The following PILRB variants were observed in gnomAD, a reference collection of about 807,000 sequenced individuals.
The protein encoded by PILRB is paired immunoglobin like type 2 receptor beta.
In PILRB, 21 loss-of-function variants were observed where a neutral mutation model predicts 20.5. The observed-to-expected ratio is 1.02, with a 90% CI of 0.72 to 1.47. The LOEUF (loss-of-function observed/expected upper bound fraction) is 1.47. Among genes scored for constraint, PILRB ranks in the 40% most tolerant of loss-of-function variants. PILRB has a pLI of 0.00. For synonymous variants in PILRB, 133 were observed against 115.1 expected (o/e 1.16, Z -0.99); for missense variants, 253 against 272.1 (o/e 0.93, Z 0.49).
At position 100,359,351 on chromosome 7, in the gene PILRB, A is replaced by AC; in HGVS notation, c.471dup (p.Thr158HisfsTer63). 6.2e-7 allele frequency: 1 copy of AC among 1,614,034 alleles called. No homozygotes were observed. Among genetic ancestry groups the AC allele is most frequent in the Non-Finnish European group, 8.5e-7 (1 of 1,179,988 alleles). Reference sequence around the variant, plus strand: ...ATCTCTTCCAGCTGTCACAACCACCACCACCTGGAGGCCCAGCAGCACAAC... The same window carrying AC: ...ATCTCTTCCAGCTGTCACAACCACCACCCACCTGGAGGCCCAGCAGCACAAC... On this transcript the variant is annotated frameshift_variant, in exon 3 of 4. Coordinates refer to ENST00000609309, the MANE Select transcript of PILRB (RefSeq NM_178238.4). LOFTEE classifies it high-confidence loss of function.
chr7:100,359,294 C>T lies in PILRB; in HGVS notation c.455-43C>T, dbSNP rs761045248. ...CACCATGCCTTTCATCCAGACGCCC[C>T]ACACCCCCAGAAGAGGGTCTGCTCA... On this transcript the variant is annotated intron_variant, in intron 2 of 3. Transcript: ENST00000609309. 1.2e-5 allele frequency: 19 copies of T among 1,602,590 alleles called. No individual in the cohort carries two copies. The African/African-American group carries it at 2.0e-4, about 17-fold the overall frequency.
chr7:100,366,734 G>T (rs1790700140), intron 3 of PILRB, among the ~76,000 whole-genome samples: 2 of 151,978 alleles, frequency 1.3e-5, no homozygotes, highest in South Asian at 2.1e-4. Context: ...GAGAGGTGGG[G>T]GTGCCTATGT....
chr7:100,358,838 G>A lies in PILRB; in HGVS notation c.213G>A (p.Trp71Ter), dbSNP rs758982042. Residue 71 changes from tryptophan (W) to a stop codon, truncating the protein, a stop_gained, in exon 2 of 4, where the codon TGG becomes TGA. Transcript: ENST00000609309. LOFTEE classifies it high-confidence loss of function. The stretch of plus-strand genomic sequence containing the variant: ...TAGTTCCCAACGTGAGAATATCCTG[G>A]AGACGGGGCCACTTCCACGGGCAGT... ...LAIVPNVRIS[W>*]RRGHFHGQSF... 9 of 1,614,074 alleles carry A rather than the reference G, an allele frequency of 5.6e-6. No individual in the cohort carries two copies. In the East Asian group the frequency reaches 1.8e-4, roughly 32 times the overall value.
chr7:100,358,548 G>A (rs1341468717), intron 1 of PILRB, 142 bp from the exon 2 acceptor site: 3 of 1,246,928 alleles, frequency 2.4e-6, no homozygotes, highest in Non-Finnish European at 2.2e-6. Flanking sequence ...CCTGAAGAGT[G>A]GGAGACCCAG....
chr7:100,359,348 A>G lies in PILRB; in HGVS notation c.466A>G (p.Thr156Ala), dbSNP rs1790460243. The G allele has an allele frequency of 1.1e-5, 18 of 1,613,906 alleles. No homozygotes were observed. The highest frequency in any genetic ancestry group is 1.5e-5 in the Non-Finnish European group (18 of 1,179,970). ...KLTITQAVTT[T>A]TTWRPSSTTT... ...CTCATCTCTTCCAGCTGTCACAACC[A>G]CCACCACCTGGAGGCCCAGCAGCAC... Residue 156 changes from threonine (T) to alanine (A), a missense_variant, in exon 3 of 4, where the codon ACC becomes GCC. Transcript: ENST00000609309.
intron 3 of PILRB, among the ~76,000 whole-genome samples, chr7:100,360,020 TCAAACAAACAAA>T (rs72418187): frequency 1.3e-5 from 2 of 151,838 alleles, no homozygotes; most frequent in Admixed American, 6.6e-5. Context: ...AGACTCTGTC[TCAAACAAACAAA>T]CAAACAAACA....
chr7:100,362,397 T>C (rs888395487), intron 3 of PILRB, among the ~76,000 whole-genome samples: 1 of 152,092 alleles, frequency 6.6e-6, no homozygotes. Context: ...GGAATGCATG[T>C]ATCACCCAAA....
At chr7:100,360,047 A>G (rs1422694918) in intron 3 of PILRB, among the ~76,000 whole-genome samples, 2 of 151,660 alleles carry the variant, frequency 1.3e-5, no homozygotes, top group Admixed American at 6.6e-5. Context: ...CAAACAAAAA[A>G]AGCCCCCAGC....
At chr7:100,365,254 C>T (rs558645739) in intron 3 of PILRB, among the ~76,000 whole-genome samples, 1 of 152,298 alleles carries the variant, frequency 6.6e-6, no homozygotes, top group South Asian at 2.1e-4. Context: ...CCCACCTCGG[C>T]CTTCCAAAGT....
At chr7:100,365,122 C>A (rs754557937) in intron 3 of PILRB, among the ~76,000 whole-genome samples, 3 of 152,274 alleles carry the variant, frequency 2.0e-5, no homozygotes, top group Middle Eastern at 3.4e-3. Flanking sequence ...GGCTCAGCCT[C>A]CCGAGTAGCT....
rs371268553 is a variant in PILRB, at chr7:100,359,470, C to A, written c.588C>A (p.Val196=). 2 of 1,614,106 alleles carry A rather than the reference C, an allele frequency of 1.2e-6. No homozygotes were observed. The highest frequency in any genetic ancestry group is 8.5e-7 in the Non-Finnish European group (1 of 1,180,002). Residue 196 remains valine (V), a synonymous_variant, in exon 3 of 4, where the codon GTC becomes GTA. Coordinates refer to ENST00000609309, the MANE Select transcript of PILRB (RefSeq NM_178238.4). Reference sequence around the variant, plus strand: ...CTGCCATCAGGGTTGCATTGGCTGTCGCTGTGCTCAAAACTGTCATTTTGG... The same window carrying A: ...CTGCCATCAGGGTTGCATTGGCTGTAGCTGTGCTCAAAACTGTCATTTTGG... The part of the protein sequence containing the change: ...LDTAIRVALA[V]AVLKTVILGL...
intron 1 of PILRB, 29 bp from the exon 2 acceptor site, chr7:100,358,661 C>T (rs759922542): frequency 1.2e-6 from 2 of 1,608,050 alleles, no homozygotes; most frequent in South Asian, 2.2e-5. Context: ...TTCAAGGTCT[C>T]TCCCCCACTC....
chr7:100,365,205 G>A (rs1469102364), intron 3 of PILRB, among the ~76,000 whole-genome samples: 1 of 152,010 alleles, frequency 6.6e-6, no homozygotes, highest in African/African-American at 2.4e-5. Flanking sequence ...TCACCATGTT[G>A]GCCAGGCTGG....
At chr7:100,363,410 AAAC>A (rs1273972586) in intron 3 of PILRB, among the ~76,000 whole-genome samples, 1 of 152,240 alleles carries the variant, frequency 6.6e-6, no homozygotes, top group Admixed American at 6.5e-5. Context: ...AAAATTAAGA[AAAC>A]AATTCCATTT....
intron 3 of PILRB, 89 bp from the exon 4 acceptor site, chr7:100,367,260 C>A (rs188970109): frequency 2.1e-5 from 16 of 777,566 alleles, no homozygotes; most frequent in Non-Finnish European, 3.8e-5. Flanking sequence ...TTTGCCACCT[C>A]CCACTTAAAT....
chr7:100,361,581 T>A (rs1790529058), intron 3 of PILRB, among the ~76,000 whole-genome samples: 1 of 152,124 alleles, frequency 6.6e-6, no homozygotes, highest in Non-Finnish European at 1.5e-5. Flanking sequence ...TAGTCCAAGC[T>A]ACTCAGGAAG....
chr7:100,367,456 T>A lies in PILRB; in HGVS notation c.*79T>A. ...AGACCCGCTTGTGAGTCCTCCACAC[T>A]CGTTCCCCATTGGCAAGATACATGG... is the stretch of plus-strand genomic sequence containing the variant. On this transcript the variant is annotated 3_prime_UTR_variant, in exon 4 of 4. Coordinates refer to ENST00000609309, the MANE Select transcript of PILRB (RefSeq NM_178238.4). 1 of 769,710 alleles carries A rather than the reference T, an allele frequency of 1.3e-6. No homozygotes were observed. 47.7% of individuals were successfully genotyped at this position (769,710 alleles called of 1,614,324 possible). A position where few individuals can be genotyped will look rare whatever the true frequency, so the allele number is the denominator to read the frequency against.
chr7:100,362,186 A>G lies in PILRB; in HGVS notation c.655+2649A>G, dbSNP rs1291442760. Among the ~76,000 whole-genome samples the G allele has an allele frequency of 2.6e-5, 4 of 152,250 alleles. No homozygotes were observed. In the East Asian group the frequency reaches 5.8e-4, roughly 22 times the overall value. ...GGGATAATGACCAAAGACAGAGGGAACACTTCCAGGTTCATTCTGTGAGGT... is the reference window on the plus strand; with the variant it reads ...GGGATAATGACCAAAGACAGAGGGAGCACTTCCAGGTTCATTCTGTGAGGT... On this transcript the variant is annotated intron_variant, in intron 3 of 3. Coordinates refer to ENST00000609309, the MANE Select transcript of PILRB (RefSeq NM_178238.4).
chr7:100,365,926 G>A (rs1790669909), intron 3 of PILRB, among the ~76,000 whole-genome samples: 2 of 149,974 alleles, frequency 1.3e-5, no homozygotes, highest in South Asian at 4.3e-4. Context: ...CTAAGCAATG[G>A]TTAGGATGGT....
Sources: allele counts gnomAD v4.1 joint callset (sites outside exome capture counted in the v4.1 genomes callset), GRCh38; gene constraint gnomAD v4.1.1; transcripts MANE v1.5; gene names NCBI Gene and HGNC (gene_info 2026-07-23, HGNC 2026-07-21).